The following SLC25A30 variants were observed in gnomAD, a reference collection of about 807,000 sequenced individuals.
The protein encoded by SLC25A30 is solute carrier family 25 member 30, also known as kidney mitochondrial carrier protein 1.
A neutral mutation model predicts 42.7 loss-of-function variants in SLC25A30; 29 were observed. That is an observed-to-expected ratio of 0.68 (90% CI 0.51 to 0.93). The LOEUF (loss-of-function observed/expected upper bound fraction) is 0.93, where lower values mean the gene tolerates loss of function less well. Ranked by LOEUF, SLC25A30 falls within the 40% of genes least tolerant of loss-of-function variation. The probability of loss-of-function intolerance (pLI) is 0.00; values close to 1 mark genes in which losing one functional copy is unlikely to be tolerated. For synonymous variants in SLC25A30, 124 were observed against 131.0 expected (o/e 0.95, Z 0.37); for missense variants, 300 against 359.7 (o/e 0.83, Z 1.34).
chr13:45,394,765 C>T lies in SLC25A30; in HGVS notation c.*1209G>A. On this transcript the variant is annotated 3_prime_UTR_variant, in exon 10 of 10. Coordinates refer to ENST00000519676, the MANE Select transcript of SLC25A30 (RefSeq NM_001010875.4). ...AAAGAAAAAGGGAAAATATTACATA[C>T]CACCTATCAGAAACTAGCTAAATAG... is the stretch of plus-strand genomic sequence containing the variant. 3 of 985,102 alleles carry T rather than the reference C, an allele frequency of 3.0e-6. No individual in the cohort carries two copies. The highest frequency in any genetic ancestry group is 3.6e-6 in the Non-Finnish European group (3 of 829,700). The allele number at this position is 985,102 out of a possible 1,614,324, so 61.0% of individuals were successfully genotyped here.
intron 1 of SLC25A30, among the ~76,000 whole-genome samples, chr13:45,416,577 G>A (rs1052462654): frequency 1.8e-4 from 27 of 152,122 alleles, no homozygotes; most frequent in African/African-American, 6.3e-4. Flanking sequence ...GACCAGCCTG[G>A]GCAACAGAAT....
upstream of SLC25A30, chr13:45,420,521 G>C (rs142523696): frequency 1.3e-5 from 2 of 152,316 alleles, no homozygotes; most frequent in African/African-American, 4.8e-5. Context: ...ACTCATGACT[G>C]TGTGGTACTA....
At chr13:45,414,441 A>G (rs1029496335) in intron 1 of SLC25A30, among the ~76,000 whole-genome samples, 1 of 152,094 alleles carries the variant, frequency 6.6e-6, no homozygotes, top group Non-Finnish European at 1.5e-5. Flanking sequence ...ACATGGCAAA[A>G]CCCAGTCTCT....
chr13:45,419,130 T>TAAAAAAAAAA, upstream of SLC25A30, among the ~76,000 whole-genome samples: 1 of 90,522 alleles, frequency 1.1e-5, no homozygotes, highest in Non-Finnish European at 2.0e-5. Context: ...TACTCCCTCT[T>TAAAAAAAAAA]AAAAAAAAAA....
the SLC25A30 span, among the ~76,000 whole-genome samples, chr13:45,425,427 T>G: frequency 1.8e-5 from 2 of 112,622 alleles, no homozygotes; most frequent in Non-Finnish European, 3.3e-5. Flanking sequence ...TAAGTATATA[T>G]AAATATATGT....
rs894683462 is a variant in SLC25A30 at position 45,396,462 on chromosome 13, A to T, written c.835-447T>A. 7 of 566,988 alleles carry T rather than the reference A, an allele frequency of 1.2e-5. No individual in the cohort carries two copies. In the African/African-American group the frequency reaches 1.4e-4, roughly 11 times the overall value. 35.1% of individuals were successfully genotyped at this position (566,988 alleles called of 1,614,324 possible). A position where few individuals can be genotyped will look rare whatever the true frequency, so the allele number is the denominator to read the frequency against. On this transcript the variant is annotated intron_variant, in intron 9 of 9. Transcript: ENST00000519676. ...CAAAAGCCAGCATTCCTGCTTCATC[A>T]CTCTGCCCTTCAGTGTCTAATTAAC...
At chr13:45,410,990 A>T (rs1371581190) in intron 2 of SLC25A30, among the ~76,000 whole-genome samples, 1 of 152,054 alleles carries the variant, frequency 6.6e-6, no homozygotes, top group Admixed American at 6.6e-5. Flanking sequence ...CAGGCTGGAG[A>T]GTGCAGTGGT....
rs1403537795 is a variant in SLC25A30 at position 45,395,051 on chromosome 13, T to C, written c.*923A>G. ...AGCCCATGAGAACATGCCCCTCTTC[T>C]ACATAGACTGTTTAGAGCTGTTCCA... On this transcript the variant is annotated 3_prime_UTR_variant, in exon 10 of 10. Coordinates refer to ENST00000519676, the MANE Select transcript of SLC25A30 (RefSeq NM_001010875.4). The C allele has an allele frequency of 8.1e-6, 8 of 985,332 alleles. No homozygotes were observed. The highest frequency in any genetic ancestry group is 9.6e-6 in the Non-Finnish European group (8 of 829,932). The allele number at this position is 985,332 out of a possible 1,614,324, so 61.0% of individuals were successfully genotyped here.
At chr13:45,399,196 G>GTGTTTTGCTT in intron 7 of SLC25A30, 118 bp from the exon 8 acceptor site, 1 of 1,144,426 alleles carries the variant, frequency 8.7e-7, no homozygotes, top group Non-Finnish European at 1.2e-6. Flanking sequence ...TGTGGTTTTC[G>GTGTTTTGCTT]TGTTTTGTTT....
chr13:45,405,892 G>A lies in SLC25A30; in HGVS notation c.298C>T (p.Arg100Cys), dbSNP rs756469337. ...YQSLKRLFIE[R>C]PEDETLPINV... ...CAGATTCCCCACTCACCTTCTGGGC[G>A]TTCAATGAATAGTCGCTTCAAGCTC... Residue 100 changes from arginine (R) to cysteine (C), a missense_variant, in exon 4 of 10, where the codon CGC becomes TGC. By Grantham distance (180) the Arg-to-Cys change is radical. Coordinates refer to ENST00000519676, the MANE Select transcript of SLC25A30 (RefSeq NM_001010875.4). 43 of 1,614,034 alleles carry A rather than the reference G, an allele frequency of 2.7e-5. No individual in the cohort carries two copies. The highest frequency in any genetic ancestry group is 2.5e-4 in the Admixed American group (15 of 60,018).
the SLC25A30 span, among the ~76,000 whole-genome samples, chr13:45,430,119 C>G: frequency 6.6e-6 from 1 of 151,590 alleles, no homozygotes; most frequent in Non-Finnish European, 1.5e-5. Flanking sequence ...TTTTTAAAAA[C>G]AAATATAATC....
At chr13:45,402,703 T>C in intron 5 of SLC25A30, 1 of 883,776 alleles carries the variant, frequency 1.1e-6, no homozygotes, top group Non-Finnish European at 1.4e-6. Flanking sequence ...ACTATATAGG[T>C]GAGAGAAAAG....
the SLC25A30 span, among the ~76,000 whole-genome samples, chr13:45,427,535 C>T: frequency 2.0e-4 from 31 of 152,240 alleles, no homozygotes; most frequent in African/African-American, 4.6e-4. Context: ...AAATCATCCA[C>T]GTTTCCCCAT....
At chr13:45,428,851 G>GGAGA in the SLC25A30 span, among the ~76,000 whole-genome samples, 1 of 150,436 alleles carries the variant, frequency 6.6e-6, no homozygotes, top group Non-Finnish European at 1.5e-5. Context: ...TAATTTGGGT[G>GGAGA]GAGAGAGAGA....
At chr13:45,418,574 G>C (rs921060331), upstream of SLC25A30, 4 of 99,152 alleles carry the variant, frequency 4.0e-5, no homozygotes, top group Non-Finnish European at 6.6e-5. Flanking sequence ...CCCTGCCGCT[G>C]CCTGAGGGAG....
chr13:45,423,891 A>C, the SLC25A30 span, among the ~76,000 whole-genome samples: 12 of 92,128 alleles, frequency 1.3e-4, no homozygotes, highest in South Asian at 2.2e-3. Context: ...AAATATATAT[A>C]TAAATATATA....
chr13:45,424,803 T>C, the SLC25A30 span, among the ~76,000 whole-genome samples: 1 of 61,298 alleles, frequency 1.6e-5, no homozygotes, highest in South Asian at 5.2e-4. Context: ...AATATAAATA[T>C]ATAAAAAAAT....
the SLC25A30 span, among the ~76,000 whole-genome samples, chr13:45,424,792 GAATATAAATATATAAAAA>G: frequency 3.2e-4 from 11 of 34,168 alleles, 3 homozygotes; most frequent in Non-Finnish European, 7.1e-4. Context: ...ATATATAAAA[GAATATAAATATATAAAAA>G]AATATAAATA....
chr13:45,426,381 G>C, the SLC25A30 span, among the ~76,000 whole-genome samples: 6 of 152,012 alleles, frequency 3.9e-5, no homozygotes, highest in Admixed American at 3.9e-4. Flanking sequence ...CACCGCCCCC[G>C]GCCCAGTTTT....
Sources: allele counts gnomAD v4.1 joint callset (sites outside exome capture counted in the v4.1 genomes callset), GRCh38; gene constraint gnomAD v4.1.1; transcripts MANE v1.5; gene names NCBI Gene and HGNC (gene_info 2026-07-23, HGNC 2026-07-21).